The following TP73 variants were observed in gnomAD, a reference collection of about 807,000 sequenced individuals.
TP73 encodes the protein p53-like transcription factor.
Under a neutral mutation model 62.5 loss-of-function variants are expected in TP73, and 25 were observed. The observed-to-expected ratio is 0.40, with a 90% CI of 0.29 to 0.56. The LOEUF (loss-of-function observed/expected upper bound fraction) is 0.56, where lower values mean the gene tolerates loss of function less well. Ranked by LOEUF, TP73 falls within the 20% of genes least tolerant of loss-of-function variation. The pLI is 0.46. For synonymous variants in TP73, 423 were observed against 377.5 expected (o/e 1.12, Z -1.40); for missense variants, 754 against 913.3 (o/e 0.83, Z 2.25).
chr1:3,655,907 G>C (rs538161977), intron 1 of TP73, among the ~76,000 whole-genome samples: 93 of 152,360 alleles, frequency 6.1e-4, no homozygotes, highest in African/African-American at 2.0e-3. Flanking sequence ...GCCGGGCGCA[G>C]TGGCTCACGC....
chr1:3,679,370 T>C (rs974489493), intron 1 of TP73, among the ~76,000 whole-genome samples: 9 of 152,198 alleles, frequency 5.9e-5, no homozygotes, highest in Admixed American at 3.9e-4. Flanking sequence ...GGACCTCCAG[T>C]AGGGGTGCGG....
rs954864266 is a variant in TP73 at position 3,696,945 on chromosome 1, T to C, written c.187-10604T>C. On this transcript the variant is annotated intron_variant, in intron 3 of 13. Coordinates refer to ENST00000378295, the MANE Select transcript of TP73 (RefSeq NM_005427.4). The surrounding 1 kb of genome is among the most constrained non-coding windows in gnomAD (Gnocchi z 4.1). Reference sequence around the variant, plus strand: ...TCTGTCTCCTTTGTTCTGTCCCCCATTGGACCTCCCCCCAGTCACCAGCCT... The same window carrying C: ...TCTGTCTCCTTTGTTCTGTCCCCCACTGGACCTCCCCCCAGTCACCAGCCT... Among the ~76,000 whole-genome samples the C allele has an allele frequency of 6.6e-6, 1 of 152,042 alleles. No homozygotes were observed. Among genetic ancestry groups the C allele is most frequent in the Non-Finnish European group, 1.5e-5 (1 of 67,976 alleles).
intron 9 of TP73, 132 bp downstream of exon 9, chr1:3,728,349 A>G (rs1641851874): frequency 2.4e-6 from 2 of 842,254 alleles, no homozygotes; most frequent in Non-Finnish European, 3.6e-6. Flanking sequence ...GCCCTGTGTG[A>G]GAGGGTCCAG....
intron 3 of TP73, among the ~76,000 whole-genome samples, chr1:3,705,892 G>A (rs940764673): frequency 3.3e-5 from 5 of 152,226 alleles, no homozygotes; most frequent in Admixed American, 6.5e-5. Context: ...CTGCAGAGCC[G>A]AGGGCCTCTG....
rs893214200 is a variant in TP73, at chr1:3,713,815, G to A, written c.429+6024G>A. On this transcript the variant is annotated intron_variant, in intron 4 of 13. Transcript: ENST00000378295. ...GAGGCTCAGAGATTACGTGGCGGCC[G>A]AGGCTGGTGTCCACAGCCAGGGGTT... Among the ~76,000 whole-genome samples the A allele has an allele frequency of 4.6e-5, 7 of 152,312 alleles. No individual in the cohort carries two copies. The South Asian group carries it at 6.2e-4, about 14-fold the overall frequency.
intron 4 of TP73, among the ~76,000 whole-genome samples, chr1:3,710,773 C>T (rs1330929578): frequency 6.6e-6 from 1 of 152,246 alleles, no homozygotes; most frequent in South Asian, 2.1e-4. Context: ...CTCCCACATG[C>T]ATGCACACAC....
At chr1:3,714,717 TGA>T (rs976972089) in intron 4 of TP73, among the ~76,000 whole-genome samples, 8 of 152,240 alleles carry the variant, frequency 5.3e-5, no homozygotes, top group Non-Finnish European at 8.8e-5. Context: ...GGGCAGAGGC[TGA>T]GTGTGGTGCT....
chr1:3,667,195 G>A lies in TP73; in HGVS notation c.-34+14554G>A, dbSNP rs146021182. ...CCTCCAGAACCAAGAGAAGACAGGG[G>A]AGTAGGGATTCTCCCAGGGCCCCCC... On this transcript the variant is annotated intron_variant, in intron 1 of 13. Transcript: ENST00000378295. 9.9e-3 allele frequency among the ~76,000 whole-genome samples: 1,501 copies of A among 152,264 alleles called. 25 individuals carry two copies. Among genetic ancestry groups the A allele is most frequent in the African/African-American group, 0.031 (1,293 of 41,540 alleles).
At chr1:3,664,298 A>G (rs1645064037) in intron 1 of TP73, among the ~76,000 whole-genome samples, 1 of 152,026 alleles carries the variant, frequency 6.6e-6, no homozygotes. Flanking sequence ...CCTGCCCAGT[A>G]CCAGCTGGCA....
chr1:3,678,081 A>T (rs1192951707), intron 1 of TP73, among the ~76,000 whole-genome samples: 1 of 152,130 alleles, frequency 6.6e-6, no homozygotes, highest in African/African-American at 2.4e-5. Flanking sequence ...TGTTGATAAA[A>T]CTTCCTAAAG....
chr1:3,727,893 C>T, intron 8 of TP73, 123 bp downstream of exon 8: 1 of 1,386,112 alleles, frequency 7.2e-7, no homozygotes, highest in South Asian at 1.5e-5. Context: ...CACGCCCAGA[C>T]TCCTCCCTGA....
At chr1:3,731,196 C>A in intron 12 of TP73, 131 bp downstream of exon 12, 2 of 1,328,056 alleles carry the variant, frequency 1.5e-6, no homozygotes, top group Non-Finnish European at 2.0e-6. Context: ...GACAGGCGGG[C>A]GGGGGCAGTC....
chr1:3,668,515 C>CGTGTGTGTGTGTGTGTGT (rs70940305), intron 1 of TP73: 2 of 148,722 alleles, frequency 1.3e-5, no homozygotes, highest in African/African-American at 2.5e-5. Context: ...ACTTGCTGCA[C>CGTGTGTGTGTGTGTGTGT]GTGTGTGTGT....
intron 8 of TP73, 23 bp downstream of exon 8, chr1:3,727,793 T>C: frequency 1.3e-6 from 2 of 1,510,126 alleles, no homozygotes; most frequent in Non-Finnish European, 1.8e-6. Flanking sequence ...CCAGGGGAAC[T>C]GGACGCGTGT....
intron 1 of TP73, among the ~76,000 whole-genome samples, chr1:3,676,364 G>C (rs1280309648): frequency 7.6e-6 from 1 of 132,002 alleles, no homozygotes; most frequent in Non-Finnish European, 1.6e-5. Context: ...AAGATGGGGG[G>C]CTAGGGGACA....
intron 1 of TP73, among the ~76,000 whole-genome samples, 190 bp from the exon 2 acceptor site, chr1:3,682,143 C>T (rs1397299993): frequency 4.6e-5 from 7 of 152,206 alleles, no homozygotes. Context: ...ACCTGGCCTT[C>T]GGTTTCCAGC....
At chr1:3,727,889 C>A in intron 8 of TP73, 119 bp downstream of exon 8, 1 of 1,392,142 alleles carries the variant, frequency 7.2e-7, no homozygotes, top group South Asian at 1.5e-5. Flanking sequence ...CCCCCACGCC[C>A]AGACTCCTCC....
rs180944023 is a variant in TP73, at chr1:3,664,179, C to T, written c.-34+11538C>T. On this transcript the variant is annotated intron_variant, in intron 1 of 13. Transcript: ENST00000378295. ...GGCCCCTGGGCATCGCGACTCCTAC[C>T]TTCCTACCAGCCCAGATGCAGGGCC... Among the ~76,000 whole-genome samples, 971 of 152,356 alleles carry T rather than the reference C, an allele frequency of 6.4e-3. 5 individuals carry two copies. The highest frequency in any genetic ancestry group is 0.01 in the Non-Finnish European group (699 of 68,020).
At chr1:3,700,291 T>C (rs553546080) in intron 3 of TP73, among the ~76,000 whole-genome samples, 1 of 152,238 alleles carries the variant, frequency 6.6e-6, no homozygotes, top group East Asian at 1.9e-4. Context: ...GTTTCTCTGT[T>C]GTCATTTCCA....
Sources: gnomAD v4.1 joint callset for allele counts (sites outside exome capture counted in the v4.1 genomes callset) on GRCh38, gnomAD v4.1.1 for gene constraint, Gnocchi (gnomAD v3.1) non-coding constraint, MANE v1.5 for transcripts, NCBI Gene and HGNC (gene_info 2026-07-23, HGNC 2026-07-21) for gene names.